Variants in OSBPL10 observed in about 807,000 individuals in gnomAD.
The protein encoded by OSBPL10 is oxysterol-binding protein-related protein 10.
In OSBPL10, 49 loss-of-function variants were observed where a neutral mutation model predicts 81.7. That is an observed-to-expected ratio of 0.60 (90% CI 0.48 to 0.76). OSBPL10 has a LOEUF of 0.76. Among genes scored for constraint, OSBPL10 ranks in the 30% least tolerant of loss-of-function variants. The pLI is 0.00. For missense variants in OSBPL10, 923 were observed against 987.8 expected, an observed-to-expected ratio of 0.93 and a Z score of 0.88; for synonymous variants, 419 against 383.6, an observed-to-expected ratio of 1.09 and a Z score of -1.08.
intron 1 of OSBPL10, among the ~76,000 whole-genome samples, chr3:31,917,594 G>C (rs1376512233): frequency 1.3e-5 from 2 of 150,772 alleles, no homozygotes; most frequent in Non-Finnish European, 2.9e-5. Context: ...TGGTTCTGGA[G>C]GCTGCCTGAT....
At position 31,788,516 on chromosome 3, in the gene OSBPL10, G is replaced by A. The variant is rs573392560; in HGVS notation, c.730-40396C>T. On this transcript the variant is annotated intron_variant, in intron 4 of 11. Coordinates refer to ENST00000396556, the MANE Select transcript of OSBPL10 (RefSeq NM_017784.5). Reference sequence around the variant, plus strand: ...AAAGTTGGAAGAAAGAAGCCTGGAAGACTAAAAATCACAGGTAATCCAAAA... The same window carrying A: ...AAAGTTGGAAGAAAGAAGCCTGGAAAACTAAAAATCACAGGTAATCCAAAA... 2.0e-5 allele frequency among the ~76,000 whole-genome samples: 3 copies of A among 152,244 alleles called. No individual in the cohort carries two copies. In the East Asian group the frequency reaches 5.8e-4, roughly 29 times the overall value.
rs563869253 is a variant in OSBPL10 at position 31,893,025 on chromosome 3, G to A, written c.282-13195C>T. Among the ~76,000 whole-genome samples the A allele has an allele frequency of 2.6e-5, 4 of 152,178 alleles. No individual in the cohort carries two copies. The South Asian group carries it at 8.3e-4, about 32-fold the overall frequency. On this transcript the variant is annotated intron_variant, in intron 1 of 11. Coordinates refer to ENST00000396556, the MANE Select transcript of OSBPL10 (RefSeq NM_017784.5). ...CAACAGAGCCTATGCTCAGGCACAG[G>A]GAAGAGCGATAAAAAGTAAGAGCCA... is the stretch of plus-strand genomic sequence containing the variant.
chr3:32,022,139 G>C (rs1256270831), intron 2 of OSBPL10, among the ~76,000 whole-genome samples: 1 of 152,132 alleles, frequency 6.6e-6, no homozygotes, highest in Non-Finnish European at 1.5e-5. Context: ...ATGAAGTCCA[G>C]CTTATCTATT....
intron 4 of OSBPL10, among the ~76,000 whole-genome samples, chr3:31,791,625 T>TTAA (rs1203596433): frequency 6.6e-6 from 1 of 152,068 alleles, no homozygotes; most frequent in African/African-American, 2.4e-5. Context: ...GACAGCACAC[T>TTAA]AGTGACTTAA....
At chr3:32,021,465 G>A (rs1286611606) in intron 2 of OSBPL10, among the ~76,000 whole-genome samples, 1 of 152,172 alleles carries the variant, frequency 6.6e-6, no homozygotes, top group Middle Eastern at 3.4e-3. Context: ...TAATATTAAA[G>A]GATTCCAGTT....
chr3:31,688,281 TCTCACACACACACACA>T (rs1342089508), intron 7 of OSBPL10, among the ~76,000 whole-genome samples: 10 of 113,910 alleles, frequency 8.8e-5, no homozygotes, highest in South Asian at 3.2e-4. Flanking sequence ...TCTCTCTCTC[TCTCACACACACACACA>T]CACACACACA....
rs1553620893 is a variant in OSBPL10 at position 31,747,487 on chromosome 3, T to TCAAAAAAAA, written c.940+422_940+423insTTTTTTTTG. Among the ~76,000 whole-genome samples, 79 of 98,400 alleles carry TCAAAAAAAA rather than the reference T, an allele frequency of 8.0e-4. 2 individuals are homozygous for TCAAAAAAAA. Among genetic ancestry groups the TCAAAAAAAA allele is most frequent in the East Asian group, 1.7e-3 (5 of 2,892 alleles). The allele number at this position is 98,400 out of a possible 152,430, so 64.6% of individuals were successfully genotyped here. On this transcript the variant is annotated intron_variant, in intron 5 of 11. Transcript: ENST00000396556. ...GAATGGAATGAAATGAATCTTCAAATAAAAAAAAAAAAAAAAAAAAAAACA... is the reference window on the plus strand; with the variant it reads ...GAATGGAATGAAATGAATCTTCAAATCAAAAAAAAAAAAAAAAAAAAAAAAAAAAAAACA...
chr3:31,874,420 T>A (rs1701400675), intron 3 of OSBPL10, among the ~76,000 whole-genome samples: 1 of 152,136 alleles, frequency 6.6e-6, no homozygotes, highest in South Asian at 2.1e-4. Flanking sequence ...AAAAATTTTA[T>A]TCAAACTCAA....
At chr3:31,795,949 C>T (rs779634199) in intron 4 of OSBPL10, 19 of 230,708 alleles carry the variant, frequency 8.2e-5, no homozygotes, top group Non-Finnish European at 1.7e-4. Context: ...ATGCAATGAA[C>T]ATGGGAAATC....
chr3:31,877,748 A>G (rs549894559), intron 2 of OSBPL10, among the ~76,000 whole-genome samples: 4 of 152,292 alleles, frequency 2.6e-5, no homozygotes, highest in African/African-American at 9.6e-5. Context: ...GATGGCCCCT[A>G]CAAATCCCAA....
At chr3:31,805,569 G>A (rs1049331973) in intron 4 of OSBPL10, among the ~76,000 whole-genome samples, 6 of 152,170 alleles carry the variant, frequency 3.9e-5, no homozygotes, top group Non-Finnish European at 8.8e-5. Context: ...TTCTAAGCAC[G>A]CACTACTAAC....
At chr3:31,687,906 A>G (rs2125558580) in intron 7 of OSBPL10, among the ~76,000 whole-genome samples, 1 of 146,746 alleles carries the variant, frequency 6.8e-6, no homozygotes, top group African/African-American at 2.6e-5. Context: ...TAATAATAAT[A>G]ATAATAATAA....
chr3:31,968,353 C>G (rs1218425337), intron 1 of OSBPL10, among the ~76,000 whole-genome samples: 2 of 151,634 alleles, frequency 1.3e-5, no homozygotes, highest in Non-Finnish European at 2.9e-5. Context: ...AAAAAGGAAA[C>G]AAAACAAAAA....
chr3:31,740,236 G>C (rs1338524887), intron 5 of OSBPL10, among the ~76,000 whole-genome samples: 1 of 151,924 alleles, frequency 6.6e-6, no homozygotes. Flanking sequence ...GGAGAGATGG[G>C]TTTCACCATA....
Position 31,783,108 on chromosome 3 carries a change from CTATTATATATATATA to C in OSBPL10, c.730-35003_730-34989del. Among the ~76,000 whole-genome samples, 2 of 107,268 alleles carry C rather than the reference CTATTATATATATATA, an allele frequency of 1.9e-5. 1 individual carries two copies. The highest frequency in any genetic ancestry group is 5.3e-4 in the South Asian group (2 of 3,774). The allele number at this position is 107,268 out of a possible 152,430, so 70.4% of individuals were successfully genotyped here. ...TATGGATATATCTATATCAATATAT[CTATTATATATATATA>C]TATATATATATATATATATATATAC... On this transcript the variant is annotated intron_variant, in intron 4 of 11. Transcript: ENST00000396556.
chr3:31,739,212 A>G (rs999449730), intron 5 of OSBPL10, among the ~76,000 whole-genome samples: 1 of 152,178 alleles, frequency 6.6e-6, no homozygotes, highest in Non-Finnish European at 1.5e-5. Flanking sequence ...ACAGGCATGC[A>G]CCACTATACC....
chr3:31,774,535 G>GAT (rs200461171), intron 4 of OSBPL10, among the ~76,000 whole-genome samples: 2,636 of 55,856 alleles, frequency 0.047, 70 homozygotes, highest in African/African-American at 0.18. Context: ...TTGTTTTTGA[G>GAT]ACAGTCTTGC....
At chr3:31,886,618 A>G (rs1695743792) in intron 1 of OSBPL10, among the ~76,000 whole-genome samples, 1 of 152,196 alleles carries the variant, frequency 6.6e-6, no homozygotes, top group Admixed American at 6.5e-5. Context: ...GTCCTGACCA[A>G]TGGCAACTAT....
Position 31,747,964 on chromosome 3 carries a change from A to T in OSBPL10, c.886T>A (p.Leu296Ile). ...CCCGCCTGGTGCACACTCTGCTGTA[A>T]CAAGTTGAGGCACTCCCCAAGGCAG... is the stretch of plus-strand genomic sequence containing the variant. ...LSCLGECLNL[L>I]QQSVHQAGQP... The change falls in exon 5 of 12, where the codon TTA becomes ATA. Residue 296 changes from leucine to isoleucine, a missense_variant. This residue lies in a region of OSBPL10 where 514 missense variants were observed against 508.0 expected (regional missense o/e 1.01). Transcript: ENST00000396556. 6.2e-7 allele frequency: 1 copy of T among 1,614,140 alleles called. No homozygotes were observed. The highest frequency in any genetic ancestry group is 8.5e-7 in the Non-Finnish European group (1 of 1,180,030).
Sources: allele counts gnomAD v4.1 joint callset (sites outside exome capture counted in the v4.1 genomes callset), GRCh38; gene constraint gnomAD v4.1.1; regional missense constraint gnomAD v4.1.1; transcripts MANE v1.5; gene names NCBI Gene and HGNC (gene_info 2026-07-23, HGNC 2026-07-21).